ATRN: variants seen among roughly 807,000 people sequenced by gnomAD.
ATRN encodes the protein attractin-2.
Under a neutral mutation model 178.7 loss-of-function variants are expected in ATRN, and 54 were observed. That is an observed-to-expected ratio of 0.30 (90% confidence interval 0.24 to 0.38). ATRN has a LOEUF of 0.38. ATRN is among the 10% of genes least tolerant of loss of function. ATRN has a pLI of 1.00. For missense variants in ATRN, 1,443 were observed against 1,815.1 expected (o/e 0.79, Z 3.73); for synonymous variants, 636 against 663.0 (o/e 0.96, Z 0.63).
At chr20:3,608,582 C>G (rs928290921) in intron 24 of ATRN, among the ~76,000 whole-genome samples, 1 of 152,096 alleles carries the variant, frequency 6.6e-6, no homozygotes, top group African/African-American at 2.4e-5. Flanking sequence ...TGTTTTTATG[C>G]TGGTATCATG....
intron 1 of ATRN, among the ~76,000 whole-genome samples, chr20:3,532,415 C>T (rs1005062701): frequency 6.6e-6 from 1 of 152,068 alleles, no homozygotes; most frequent in African/African-American, 2.4e-5. Flanking sequence ...CTTTGCATTC[C>T]TTTGATTTGT....
At chr20:3,523,501 T>C (rs989217335) in intron 1 of ATRN, among the ~76,000 whole-genome samples, 8 of 152,116 alleles carry the variant, frequency 5.3e-5, no homozygotes, top group Non-Finnish European at 7.3e-5. Flanking sequence ...CTTCAGGATA[T>C]TTTCCAGGAG....
At position 3,588,981 on chromosome 20, in the gene ATRN, G is replaced by GTTTTTTTTTTTTTTTTTTTT. The variant is rs386393128; in HGVS notation, c.3185-2169_3185-2168insTTTTTTTTTTTTTTTTTTTT. On this transcript the variant is annotated intron_variant, in intron 18 of 28. Coordinates refer to ENST00000262919, the MANE Select transcript of ATRN (RefSeq NM_139321.3). ...CATACAGTTCGTAGTATTTTCTTTT[G>GTTTTTTTTTTTTTTTTTTTT]TTTTTTTTTTTTTTTTTTTGAGACA... Among the ~76,000 whole-genome samples the GTTTTTTTTTTTTTTTTTTTT allele has an allele frequency of 1.3e-4, 13 of 99,790 alleles. 1 individual carries two copies. The highest frequency in any genetic ancestry group is 2.0e-4 in the Non-Finnish European group (11 of 54,306). The allele number at this position is 99,790 out of a possible 152,430, so 65.5% of individuals were successfully genotyped here. A position where few individuals can be genotyped will look rare whatever the true frequency, so the allele number is the denominator to read the frequency against.
intron 25 of ATRN, among the ~76,000 whole-genome samples, chr20:3,629,762 G>A (rs77028144): frequency 5.1e-4 from 77 of 152,260 alleles, no homozygotes; most frequent in African/African-American, 1.5e-3. Flanking sequence ...AGCACTATAC[G>A]TAGAATTACA....
intron 1 of ATRN, among the ~76,000 whole-genome samples, chr20:3,472,829 G>T (rs2084451394): frequency 6.6e-6 from 1 of 152,212 alleles, no homozygotes; most frequent in African/African-American, 2.4e-5. Flanking sequence ...AAAAATTACA[G>T]ATGGAAAGAA....
In ATRN at chr20:3,572,794, G is replaced by A. The variant is rs766803393; in HGVS notation, c.1935G>A (p.Ser645=). The A allele has an allele frequency of 1.2e-5, 20 of 1,613,806 alleles. No individual in the cohort carries two copies. Among genetic ancestry groups the A allele is most frequent in the Middle Eastern group, 1.6e-4 (1 of 6,084 alleles). ...LLLSDILVFT[S]EQCDAHRSEA... The stretch of plus-strand genomic sequence containing the variant: ...TCAGCGACATCCTGGTATTCACCTC[G>A]GAACAGTGTGATGCGCATCGGAGTG... The change falls in exon 12 of 29, where the codon TCG becomes TCA. Residue 645 remains serine (S), a synonymous_variant. Coordinates refer to ENST00000262919, the MANE Select transcript of ATRN (RefSeq NM_139321.3).
At chr20:3,606,445 C>G (rs956722567) in intron 24 of ATRN, among the ~76,000 whole-genome samples, 47 of 148,508 alleles carry the variant, frequency 3.2e-4, no homozygotes, top group Non-Finnish European at 6.4e-4. Flanking sequence ...TCACTGTTTC[C>G]TGCATGTGGG....
intron 1 of ATRN, among the ~76,000 whole-genome samples, chr20:3,528,893 A>G (rs1438017246): frequency 6.6e-6 from 1 of 152,002 alleles, no homozygotes; most frequent in Non-Finnish European, 1.5e-5. Flanking sequence ...GCTCATGGCA[A>G]CCTCTGCTTC....
Position 3,590,124 on chromosome 20 carries a change from T to G in ATRN, c.3185-1045T>G, listed in dbSNP as rs1366922163. Among the ~76,000 whole-genome samples, 4 of 152,142 alleles carry G rather than the reference T, an allele frequency of 2.6e-5. No homozygotes were observed. The East Asian group carries it at 7.7e-4, about 29-fold the overall frequency. On this transcript the variant is annotated intron_variant, in intron 18 of 28. Coordinates refer to ENST00000262919, the MANE Select transcript of ATRN (RefSeq NM_139321.3). ...GCCACCACCTCTGGCTAATTTTTTG[T>G]ATTTTTAGTAGAGACAGGGTTTCAC... is the stretch of plus-strand genomic sequence containing the variant.
chr20:3,585,047 C>G (rs1431319451), intron 18 of ATRN, among the ~76,000 whole-genome samples, 167 bp downstream of exon 18: 2 of 152,154 alleles, frequency 1.3e-5, no homozygotes, highest in Admixed American at 6.5e-5. Context: ...CAAGGCCTGA[C>G]CTGGACCTGC....
In ATRN at chr20:3,547,367, C is replaced by A; in HGVS notation, c.821C>A (p.Ser274Tyr). 6.2e-7 allele frequency: 1 copy of A among 1,614,010 alleles called. No homozygotes were observed. Among genetic ancestry groups the A allele is most frequent in the Non-Finnish European group, 8.5e-7 (1 of 1,179,900 alleles). ...AGCGATACTGTTGAATGTGAATGTT[C>A]TGAAAACTGGAAAGGTGAAGCATGT... The part of the protein sequence containing the change: ...NSSDTVECEC[S>Y]ENWKGEACDI... Residue 274 changes from serine to tyrosine, a missense_variant, in exon 5 of 29, where the codon TCT becomes TAT. This residue lies in a region of ATRN where 862 missense variants were observed against 972.1 expected (regional missense o/e 0.89). Transcript: ENST00000262919.
At chr20:3,646,282 G>A (rs548315894) in intron 28 of ATRN, among the ~76,000 whole-genome samples, 21 of 152,234 alleles carry the variant, frequency 1.4e-4, no homozygotes, top group Non-Finnish European at 2.8e-4. Flanking sequence ...GTCATAAAGC[G>A]TGCTGCTGTT....
intron 2 of ATRN, among the ~76,000 whole-genome samples, chr20:3,535,588 TACACACACACACACACACAC>T (rs11468707): frequency 1.4e-5 from 2 of 143,214 alleles, no homozygotes; most frequent in African/African-American, 2.6e-5. Flanking sequence ...CAGAAACGGT[TACACACACACACACACACAC>T]ACACACACAC....
At chr20:3,588,263 G>A (rs1435239663) in intron 18 of ATRN, among the ~76,000 whole-genome samples, 1 of 151,964 alleles carries the variant, frequency 6.6e-6, no homozygotes, top group African/African-American at 2.4e-5. Context: ...TCATTGTCTT[G>A]TTCCTTTTTT....
intron 1 of ATRN, among the ~76,000 whole-genome samples, chr20:3,495,350 A>G (rs75291331): frequency 0.04 from 6,062 of 152,292 alleles, 158 homozygotes; most frequent in Non-Finnish European, 0.057. Flanking sequence ...AAGGACACCA[A>G]TGCAGTGCTG....
intron 24 of ATRN, among the ~76,000 whole-genome samples, chr20:3,607,924 A>G (rs930902520): frequency 1.3e-5 from 2 of 152,046 alleles, no homozygotes; most frequent in African/African-American, 4.8e-5. Context: ...CTGGGATGAG[A>G]TGATTTCTCA....
intron 1 of ATRN, among the ~76,000 whole-genome samples, chr20:3,500,777 G>T (rs1006828851): frequency 6.6e-6 from 1 of 151,564 alleles, no homozygotes; most frequent in African/African-American, 2.4e-5. Context: ...CATGGCACAT[G>T]TATACATATG....
At chr20:3,592,077 A>C (rs914349493) in intron 19 of ATRN, among the ~76,000 whole-genome samples, 2 of 152,298 alleles carry the variant, frequency 1.3e-5, no homozygotes, top group Non-Finnish European at 2.9e-5. Flanking sequence ...AGACTCCTCA[A>C]TACTTATAGT....
At chr20:3,629,994 A>G (rs1418376849) in intron 25 of ATRN, among the ~76,000 whole-genome samples, 3 of 152,086 alleles carry the variant, frequency 2.0e-5, no homozygotes, top group Non-Finnish European at 2.9e-5. Context: ...ATCACTTTCT[A>G]TTGGTGACTG....
Sources: allele counts gnomAD v4.1 joint callset (sites outside exome capture counted in the v4.1 genomes callset), GRCh38; gene constraint gnomAD v4.1.1; regional missense constraint gnomAD v4.1.1; transcripts MANE v1.5; gene names NCBI Gene and HGNC (gene_info 2026-07-23, HGNC 2026-07-21).